Variants in IL5RA observed in about 807,000 individuals in gnomAD.
IL5RA encodes interleukin-5 receptor subunit alpha.
A neutral mutation model predicts 50.0 loss-of-function variants in IL5RA; 49 were observed. The observed-to-expected ratio is 0.98, with a 90% CI of 0.78 to 1.24. The LOEUF (loss-of-function observed/expected upper bound fraction) is 1.24. Ranked by LOEUF, IL5RA falls within the 50% of genes most tolerant of loss-of-function variation. The pLI, the probability that IL5RA is intolerant of heterozygous loss-of-function variation, is 0.00. For missense variants in IL5RA, 600 were observed against 500.4 expected, an observed-to-expected ratio of 1.20 and a Z score of -1.90; for synonymous variants, 202 against 174.0, an observed-to-expected ratio of 1.16 and a Z score of -1.26.
intron 5 of IL5RA, among the ~76,000 whole-genome samples, chr3:3,101,317 C>T (rs1703644158): frequency 6.6e-6 from 1 of 152,106 alleles, no homozygotes; most frequent in Admixed American, 6.6e-5. Context: ...CTCAACTGAC[C>T]AAGACAATGG....
intron 5 of IL5RA, among the ~76,000 whole-genome samples, chr3:3,099,166 A>G (rs548858640): frequency 6.6e-6 from 1 of 152,240 alleles, no homozygotes; most frequent in Non-Finnish European, 1.5e-5. Flanking sequence ...GCACATTAGC[A>G]TGTTAAAGTC....
chr3:3,093,093 G>T lies in IL5RA; in HGVS notation c.856-731C>A, dbSNP rs17879416. Among the ~76,000 whole-genome samples, 495 of 152,160 alleles carry T rather than the reference G, an allele frequency of 3.3e-3. 1 individual carries two copies. The highest frequency in any genetic ancestry group is 0.011 in the African/African-American group (465 of 41,508). ...CTCTATTGTGTAAAACTCTTCAGTG[G>T]CATCCATTGCCCAGAGTCATGGTTT... On this transcript the variant is annotated intron_variant, in intron 8 of 11. Coordinates refer to ENST00000446632, the MANE Select transcript of IL5RA (RefSeq NM_175726.4).
intron 8 of IL5RA, among the ~76,000 whole-genome samples, chr3:3,093,306 C>G (rs1177527059): frequency 6.6e-6 from 1 of 152,154 alleles, no homozygotes; most frequent in Non-Finnish European, 1.5e-5. Context: ...ACTCCTTTTC[C>G]TAGGCTGGTG....
At chr3:3,071,578 TGTGTGTGTGTGTGTGTG>T (rs1702298129) in intron 11 of IL5RA, among the ~76,000 whole-genome samples, 5 of 147,334 alleles carry the variant, frequency 3.4e-5, no homozygotes, top group East Asian at 2.0e-4. Flanking sequence ...TGTGTGTGTG[TGTGTGTGTGTGTGTGTG>T]TATTTTTTTT....
chr3:3,072,956 G>C (rs1702351039), intron 11 of IL5RA, among the ~76,000 whole-genome samples: 1 of 152,118 alleles, frequency 6.6e-6, no homozygotes, highest in African/African-American at 2.4e-5. Context: ...AAGTGTGCTA[G>C]AGCAAGGAGG....
chr3:3,082,506 G>A (rs186662383), intron 9 of IL5RA, among the ~76,000 whole-genome samples: 40 of 152,342 alleles, frequency 2.6e-4, no homozygotes, highest in Admixed American at 1.2e-3. Context: ...CATCACTAAC[G>A]TAAAGCATTT....
chr3:3,070,552 C>G (rs1702262813), intron 11 of IL5RA, among the ~76,000 whole-genome samples: 1 of 139,310 alleles, frequency 7.2e-6, no homozygotes, highest in Admixed American at 7.2e-5. Context: ...TTTAGACTTA[C>G]TTGAAGTCAT....
At chr3:3,083,839 A>G (rs1702751936) in intron 9 of IL5RA, among the ~76,000 whole-genome samples, 1 of 152,204 alleles carries the variant, frequency 6.6e-6, no homozygotes, top group Non-Finnish European at 1.5e-5. Flanking sequence ...ACTTGAGGTC[A>G]CGAGTTCAAG....
chr3:3,085,135 C>T (rs1387982395), intron 9 of IL5RA, among the ~76,000 whole-genome samples: 3 of 152,220 alleles, frequency 2.0e-5, no homozygotes, highest in Non-Finnish European at 2.9e-5. Context: ...GGGATCTAAC[C>T]AGCCTGGACA....
chr3:3,102,432 C>T (rs1245864128), intron 4 of IL5RA, among the ~76,000 whole-genome samples: 1 of 152,172 alleles, frequency 6.6e-6, no homozygotes, highest in Non-Finnish European at 1.5e-5. Context: ...AGTTACTAAA[C>T]ATTCTTCCTT....
At position 3,070,079 on chromosome 3, in the gene IL5RA, A is replaced by G. The variant is rs1702246594; in HGVS notation, c.*146T>C. On this transcript the variant is annotated 3_prime_UTR_variant, in exon 12 of 12. Coordinates refer to ENST00000446632, the MANE Select transcript of IL5RA (RefSeq NM_175726.4). ...CATCCATACTTTTAAGAGATACAAG[A>G]CTGGTGTGTCTGGGTGTATTGCTTC... The G allele has an allele frequency of 3.2e-6, 2 of 633,820 alleles. No individual in the cohort carries two copies. The highest frequency in any genetic ancestry group is 5.7e-6 in the Non-Finnish European group (2 of 350,898). 39.3% of individuals were successfully genotyped at this position (633,820 alleles called of 1,614,324 possible).
At chr3:3,075,003 C>A in intron 10 of IL5RA, 137 bp from the exon 11 acceptor site, 1 of 627,390 alleles carries the variant, frequency 1.6e-6, no homozygotes. Context: ...CCAAGACTTC[C>A]AAAATTATAG....
intron 9 of IL5RA, among the ~76,000 whole-genome samples, chr3:3,086,929 T>C (rs1042758646): frequency 6.6e-6 from 1 of 152,178 alleles, no homozygotes; most frequent in African/African-American, 2.4e-5. Context: ...TTGGATGGAA[T>C]TGGAGGCCAT....
chr3:3,090,630 G>C (rs1297890330), intron 9 of IL5RA, among the ~76,000 whole-genome samples: 1 of 145,138 alleles, frequency 6.9e-6, no homozygotes, highest in Non-Finnish European at 1.5e-5. Flanking sequence ...GCAGTGGTGC[G>C]ATCTCGGCTC....
intron 9 of IL5RA, among the ~76,000 whole-genome samples, chr3:3,081,633 C>T (rs1305470249): frequency 6.6e-6 from 1 of 152,228 alleles, no homozygotes; most frequent in Non-Finnish European, 1.5e-5. Flanking sequence ...CCGTTTTCTT[C>T]TGACCATGAT....
chr3:3,088,808 G>C (rs920142131), intron 9 of IL5RA, among the ~76,000 whole-genome samples: 2 of 152,306 alleles, frequency 1.3e-5, no homozygotes, highest in Non-Finnish European at 1.5e-5. Context: ...CTTAGAAATA[G>C]CAATAGTTTT....
At chr3:3,104,283 C>T (rs914896586) in intron 3 of IL5RA, among the ~76,000 whole-genome samples, 12 of 152,220 alleles carry the variant, frequency 7.9e-5, no homozygotes, top group Admixed American at 2.6e-4. Flanking sequence ...AAGTGATCCA[C>T]CTGCCCCGGC....
chr3:3,086,397 A>G lies in IL5RA; in HGVS notation c.994+5827T>C, dbSNP rs569215386. ...TCGATAAACAGGAGACAGCAAAGAT[A>G]ACAAAGGAACAGAAGAATCCGGAAG... On this transcript the variant is annotated intron_variant, in intron 9 of 11. Transcript: ENST00000446632. 3.9e-5 allele frequency among the ~76,000 whole-genome samples: 6 copies of G among 152,340 alleles called. No homozygotes were observed. In the East Asian group the frequency reaches 9.6e-4, roughly 24 times the overall value.
At chr3:3,102,567 C>G in intron 4 of IL5RA, 108 bp downstream of exon 4, 1 of 724,502 alleles carries the variant, frequency 1.4e-6, no homozygotes, top group Non-Finnish European at 2.2e-6. Flanking sequence ...TAACATAGAG[C>G]CTGTCAGTAA....
Sources: allele counts gnomAD v4.1 joint callset (sites outside exome capture counted in the v4.1 genomes callset), GRCh38; gene constraint gnomAD v4.1.1; transcripts MANE v1.5; gene names NCBI Gene and HGNC (gene_info 2026-07-23, HGNC 2026-07-21).